Variants in HBS1L observed in about 807,000 individuals in gnomAD.
The protein encoded by HBS1L is HBS1-like protein.
HBS1L carries 55 observed loss-of-function variants against 88.9 expected under a neutral mutation model. The ratio of observed to expected loss-of-function variants is 0.62; its 90% confidence interval spans 0.50 to 0.77. HBS1L has a LOEUF of 0.77. Among genes scored for constraint, HBS1L ranks in the 30% least tolerant of loss-of-function variants. HBS1L has a pLI of 0.00. For synonymous variants in HBS1L, 267 were observed against 288.5 expected, an observed-to-expected ratio of 0.93 and a Z score of 0.76; for missense variants, 741 against 829.3, an observed-to-expected ratio of 0.89 and a Z score of 1.31.
chr6:135,049,722 C>T (rs1289747841), intron 2 of HBS1L, among the ~76,000 whole-genome samples: 2 of 152,292 alleles, frequency 1.3e-5, no homozygotes, highest in East Asian at 3.9e-4. Context: ...CAGGCACTCG[C>T]CACCATGCCT....
At chr6:135,005,990 A>T (rs1241952820) in intron 4 of HBS1L, among the ~76,000 whole-genome samples, 1 of 152,158 alleles carries the variant, frequency 6.6e-6, no homozygotes, top group Non-Finnish European at 1.5e-5. Flanking sequence ...GAATTGTTGG[A>T]TAGTATTGAG....
At position 134,961,627 on chromosome 6, in the gene HBS1L, T is replaced by C. The variant is rs1583046678; in HGVS notation, c.*3652A>G. On this transcript the variant is annotated 3_prime_UTR_variant, in exon 18 of 18. Coordinates refer to ENST00000367837, the MANE Select transcript of HBS1L (RefSeq NM_006620.4). Reference sequence around the variant, plus strand: ...CCCACCCACAACATAAAAATTAAGATACCCAGTTGCAAAATCACTCCCACT... The same window carrying C: ...CCCACCCACAACATAAAAATTAAGACACCCAGTTGCAAAATCACTCCCACT... 6.6e-6 allele frequency: 1 copy of C among 152,256 alleles called. No individual in the cohort carries two copies. The highest frequency in any genetic ancestry group is 1.9e-4 in the East Asian group (1 of 5,186). 9.4% of individuals were successfully genotyped at this position (152,256 alleles called of 1,614,324 possible).
Position 135,054,757 on chromosome 6 carries a change from T to C in HBS1L, c.-66A>G. ...CCAAAACACTCCGCTTAGATACTGA[T>C]AAGGCGCCAACTGCAGCCTGGAGAA... On this transcript the variant is annotated 5_prime_UTR_variant, in exon 1 of 18. Transcript: ENST00000367837. 3.8e-6 allele frequency: 6 copies of C among 1,590,864 alleles called. No homozygotes were observed. The highest frequency in any genetic ancestry group is 5.2e-6 in the Non-Finnish European group (6 of 1,162,148).
chr6:134,977,632 T>A (rs971086439), intron 15 of HBS1L, among the ~76,000 whole-genome samples: 1 of 151,928 alleles, frequency 6.6e-6, no homozygotes, highest in East Asian at 1.9e-4. Context: ...AAGTACAAGG[T>A]TATCTCAAAT....
chr6:135,032,995 T>A (rs1394592738), intron 4 of HBS1L, among the ~76,000 whole-genome samples: 1 of 152,134 alleles, frequency 6.6e-6, no homozygotes, highest in East Asian at 1.9e-4. Flanking sequence ...CTTGGCAATT[T>A]ATTGCAAGAA....
intron 15 of HBS1L, among the ~76,000 whole-genome samples, chr6:134,975,101 A>C (rs1269252128): frequency 6.6e-6 from 1 of 152,152 alleles, no homozygotes; most frequent in African/African-American, 2.4e-5. Flanking sequence ...AATCAGTAGC[A>C]CCAACAACGA....
chr6:134,975,558 T>C (rs1774619273), intron 15 of HBS1L, among the ~76,000 whole-genome samples: 1 of 152,092 alleles, frequency 6.6e-6, no homozygotes, highest in South Asian at 2.1e-4. Flanking sequence ...TAAAGGTAGA[T>C]TCATAGACCA....
intron 15 of HBS1L, among the ~76,000 whole-genome samples, chr6:134,975,229 G>A (rs936994526): frequency 6.6e-6 from 1 of 152,064 alleles, no homozygotes; most frequent in Admixed American, 6.6e-5. Context: ...TCTCTTACAA[G>A]GAGAACTACA....
At chr6:135,038,147 T>C (rs1196244300) in intron 4 of HBS1L, 17 of 721,368 alleles carry the variant, frequency 2.4e-5, no homozygotes, top group Admixed American at 3.4e-5. Flanking sequence ...CTTTTGATTA[T>C]GACATGAATA....
chr6:135,038,852 T>C (rs1181368261), intron 4 of HBS1L, among the ~76,000 whole-genome samples: 1 of 152,158 alleles, frequency 6.6e-6, no homozygotes, highest in Non-Finnish European at 1.5e-5. Context: ...TTATACATAA[T>C]AAAAGCATAA....
At chr6:135,033,538 A>G (rs1014712154) in intron 4 of HBS1L, among the ~76,000 whole-genome samples, 4 of 152,170 alleles carry the variant, frequency 2.6e-5, no homozygotes, top group Admixed American at 2.6e-4. Context: ...CAAGCCAAGG[A>G]AAATAGGAAG....
At chr6:135,034,622 G>A (rs919509251) in intron 4 of HBS1L, among the ~76,000 whole-genome samples, 2 of 152,124 alleles carry the variant, frequency 1.3e-5, no homozygotes, top group African/African-American at 4.8e-5. Flanking sequence ...CCAGCCTGGG[G>A]AACAGAGTGA....
Position 134,982,442 on chromosome 6 carries a change from T to A in HBS1L, c.1597+16A>T, listed in dbSNP as rs981082257. ...ACTTAAGGCTTGTTTAGCAAAAGCATCTTGCAGATAAATACCTTTCACGGT... is the reference window on the plus strand; with the variant it reads ...ACTTAAGGCTTGTTTAGCAAAAGCAACTTGCAGATAAATACCTTTCACGGT... On this transcript the variant is annotated intron_variant, in intron 13 of 17. Coordinates refer to ENST00000367837, the MANE Select transcript of HBS1L (RefSeq NM_006620.4). 6.7e-7 allele frequency: 1 copy of A among 1,502,642 alleles called. No homozygotes were observed. The highest frequency in any genetic ancestry group is 9.3e-7 in the Non-Finnish European group (1 of 1,080,954). 93.1% of individuals were successfully genotyped at this position (1,502,642 alleles called of 1,614,324 possible). A position where few individuals can be genotyped will look rare whatever the true frequency, so the allele number is the denominator to read the frequency against.
chr6:135,027,812 G>A (rs1015059096), intron 4 of HBS1L, among the ~76,000 whole-genome samples: 15 of 150,746 alleles, frequency 1.0e-4, no homozygotes, highest in African/African-American at 3.7e-4. Context: ...CTGTCGCCCG[G>A]GCTGGAGTGC....
chr6:135,026,377 T>C (rs1776226653), intron 4 of HBS1L, among the ~76,000 whole-genome samples: 1 of 152,150 alleles, frequency 6.6e-6, no homozygotes, highest in South Asian at 2.1e-4. Flanking sequence ...AGTTAAAGTA[T>C]GTTATTACAT....
intron 4 of HBS1L, among the ~76,000 whole-genome samples, chr6:135,003,382 T>G (rs1359967227): frequency 2.0e-5 from 3 of 151,042 alleles, no homozygotes. Flanking sequence ...GGGAAAGAGG[T>G]TAATGTAGAA....
chr6:135,022,361 CTA>C (rs1423913589), intron 4 of HBS1L, among the ~76,000 whole-genome samples: 2 of 151,286 alleles, frequency 1.3e-5, no homozygotes, highest in South Asian at 2.1e-4. Flanking sequence ...AAAGAAGACT[CTA>C]TATTTAACAT....
At chr6:135,037,596 T>C in intron 4 of HBS1L, 2 of 1,548,026 alleles carry the variant, frequency 1.3e-6, no homozygotes, top group African/African-American at 1.4e-5. Flanking sequence ...CCTTTATGAT[T>C]ATGGTCTTTA....
In HBS1L at chr6:134,996,860, C is replaced by G. The variant is rs766118524; in HGVS notation, c.882G>C (p.Lys294Asn). The G allele has an allele frequency of 6.2e-7, 1 of 1,611,972 alleles. No individual in the cohort carries two copies. The highest frequency in any genetic ancestry group is 8.5e-7 in the Non-Finnish European group (1 of 1,179,072). ...LGNINKRTMH[K>N]YEQESKKAGK... ...CAGCCTTTTTAGACTCCTGTTCATA[C>G]TTATGCATAGTTCTTTTGTTTATAT... The change falls in exon 7 of 18, where the codon AAG (lysine) becomes AAC (asparagine). Residue 294 changes from lysine (K) to asparagine (N), a missense_variant. Lys to Asn is a moderately conservative substitution (Grantham distance 94). Transcript: ENST00000367837.
Sources: gnomAD v4.1 joint callset for allele counts (sites outside exome capture counted in the v4.1 genomes callset) on GRCh38, gnomAD v4.1.1 for gene constraint, MANE v1.5 for transcripts, NCBI Gene and HGNC (gene_info 2026-07-23, HGNC 2026-07-21) for gene names.